The following EPHA6 variants were observed in gnomAD, a reference collection of about 807,000 sequenced individuals.
The protein encoded by EPHA6 is EPH receptor A6, also known as ephrin type-A receptor 6.
Under a neutral mutation model 112.0 loss-of-function variants are expected in EPHA6, and 50 were observed. That is an observed-to-expected ratio of 0.45 (90% confidence interval 0.36 to 0.56). The LOEUF is 0.56. Ranked by LOEUF, EPHA6 falls within the 20% of genes least tolerant of loss-of-function variation. The pLI, the probability that EPHA6 is intolerant of heterozygous loss-of-function variation, is 0.00. For missense variants in EPHA6, 1,280 were observed against 1,417.4 expected, an observed-to-expected ratio of 0.90 and a Z score of 1.56; for synonymous variants, 529 against 490.7, an observed-to-expected ratio of 1.08 and a Z score of -1.03.
In EPHA6 at chr3:97,581,321, T is replaced by C. The variant is rs552229364; in HGVS notation, c.2387-11291T>C. Among the ~76,000 whole-genome samples, 16 of 152,336 alleles carry C rather than the reference T, an allele frequency of 1.1e-4. 1 individual carries two copies. The highest frequency in any genetic ancestry group is 1.9e-4 in the Non-Finnish European group (13 of 68,030). ...TGATATTTTCACTATCTTGCATGAA[T>C]GTTGTCATTTTACTTTTAGAAGTTT... is the stretch of plus-strand genomic sequence containing the variant. On this transcript the variant is annotated intron_variant, in intron 11 of 17. Transcript: ENST00000389672.
At chr3:96,973,790 T>G (rs1402768679) in intron 2 of EPHA6, among the ~76,000 whole-genome samples, 1 of 141,876 alleles carries the variant, frequency 7.0e-6, no homozygotes, top group Non-Finnish European at 1.5e-5. Flanking sequence ...ATGCCACTGG[T>G]CTCCAGCCTG....
At chr3:96,861,978 G>T (rs2036033990) in intron 1 of EPHA6, among the ~76,000 whole-genome samples, 2 of 151,662 alleles carry the variant, frequency 1.3e-5, no homozygotes, top group South Asian at 4.2e-4. Flanking sequence ...TCCGTGTGAG[G>T]GTAGTTACCC....
At chr3:96,887,627 A>G (rs1393197785) in intron 2 of EPHA6, among the ~76,000 whole-genome samples, 1 of 152,088 alleles carries the variant, frequency 6.6e-6, no homozygotes, top group East Asian at 1.9e-4. Context: ...ATCAGGAGGA[A>G]CCAGGGTGGG....
intron 2 of EPHA6, among the ~76,000 whole-genome samples, chr3:96,983,905 A>C (rs1323841252): frequency 6.6e-6 from 1 of 152,188 alleles, no homozygotes; most frequent in Admixed American, 6.5e-5. Flanking sequence ...CCACTCCATC[A>C]GGTCATTCAA....
intron 5 of EPHA6, among the ~76,000 whole-genome samples, chr3:97,255,101 G>T (rs2079264944): frequency 6.6e-6 from 1 of 151,946 alleles, no homozygotes; most frequent in Non-Finnish European, 1.5e-5. Flanking sequence ...ACAAAGGAGT[G>T]ACAGTATATC....
At chr3:97,709,524 T>G (rs534270461) in intron 14 of EPHA6, among the ~76,000 whole-genome samples, 2 of 152,332 alleles carry the variant, frequency 1.3e-5, no homozygotes, top group South Asian at 4.1e-4. Flanking sequence ...AGATGAGACT[T>G]TGGATTTGGA....
At chr3:97,493,625 G>T (rs767328795) in intron 10 of EPHA6, among the ~76,000 whole-genome samples, 1 of 149,834 alleles carries the variant, frequency 6.7e-6, no homozygotes, top group Non-Finnish European at 1.5e-5. Context: ...TTAGTCCTCT[G>T]TGTGTGTGTG....
In EPHA6 at chr3:97,169,066, G is replaced by A. The variant is rs182902136; in HGVS notation, c.1115-57198G>A. On this transcript the variant is annotated intron_variant, in intron 3 of 17. Transcript: ENST00000389672. Reference sequence around the variant, plus strand: ...AGGATTATTATACTTCGCAACACTTGTGTGTCACATTGGAGACTGTCTTAT... The same window carrying A: ...AGGATTATTATACTTCGCAACACTTATGTGTCACATTGGAGACTGTCTTAT... 3.7e-3 allele frequency among the ~76,000 whole-genome samples: 558 copies of A among 152,268 alleles called. 3 individuals carry two copies. Among genetic ancestry groups the A allele is most frequent in the Non-Finnish European group, 5.6e-3 (379 of 68,020 alleles).
chr3:97,518,248 T>G (rs754717306), intron 10 of EPHA6, among the ~76,000 whole-genome samples: 1 of 152,150 alleles, frequency 6.6e-6, no homozygotes, highest in Non-Finnish European at 1.5e-5. Flanking sequence ...CTCATGAACA[T>G]TTGTTATCTT....
At position 97,754,096 on chromosome 3, in the gene EPHA6, TTTTTTTTTTGAGATGGAG is replaced by T. The variant is rs1374517596; in HGVS notation, c.*5399_*5416del. ...ATAACATTTATATCTTTTTTTTTTT[TTTTTTTTTTGAGATGGAG>T]TTTCCCTCTTGTTGCCCAGGCTGGA... On this transcript the variant is annotated 3_prime_UTR_variant, in exon 18 of 18. Transcript: ENST00000389672. 2.0e-5 allele frequency among the ~76,000 whole-genome samples: 3 copies of T among 147,878 alleles called. No individual in the cohort carries two copies. Among genetic ancestry groups the T allele is most frequent in the African/African-American group, 7.4e-5 (3 of 40,454 alleles).
At chr3:96,861,523 A>G (rs2036005621) in intron 1 of EPHA6, among the ~76,000 whole-genome samples, 2 of 152,048 alleles carry the variant, frequency 1.3e-5, no homozygotes, top group Non-Finnish European at 2.9e-5. Context: ...ACTCTCTAGC[A>G]GAGTAGAAAA....
chr3:97,737,729 G>A (rs922432166), intron 16 of EPHA6, among the ~76,000 whole-genome samples: 1 of 152,118 alleles, frequency 6.6e-6, no homozygotes, highest in South Asian at 2.1e-4. Context: ...GACTAGAGAT[G>A]TAGATTTGAA....
At chr3:97,278,256 A>G (rs541055151) in intron 5 of EPHA6, among the ~76,000 whole-genome samples, 1 of 152,294 alleles carries the variant, frequency 6.6e-6, no homozygotes, top group South Asian at 2.1e-4. Context: ...ATTCTAGTAA[A>G]TATTATAAGT....
intron 2 of EPHA6, among the ~76,000 whole-genome samples, chr3:96,888,400 C>T (rs774683997): frequency 3.3e-5 from 5 of 152,146 alleles, no homozygotes; most frequent in Non-Finnish European, 7.4e-5. Flanking sequence ...CTCCCTTTTC[C>T]ACTTCCACAG....
chr3:97,281,319 A>G (rs2080280688), intron 5 of EPHA6, among the ~76,000 whole-genome samples: 1 of 151,978 alleles, frequency 6.6e-6, no homozygotes, highest in Admixed American at 6.6e-5. Flanking sequence ...TTAATTTATA[A>G]CTTCTTTGGG....
intron 3 of EPHA6, among the ~76,000 whole-genome samples, chr3:97,147,528 G>A (rs562409061): frequency 2.0e-5 from 3 of 152,030 alleles, no homozygotes; most frequent in South Asian, 4.2e-4. Flanking sequence ...TGTTATAAAG[G>A]TGTTTAACTA....
intron 5 of EPHA6, among the ~76,000 whole-genome samples, chr3:97,345,466 A>G (rs1020397434): frequency 3.3e-5 from 5 of 152,142 alleles, no homozygotes; most frequent in Middle Eastern, 3.2e-3. Context: ...GACTCCATAA[A>G]AGCATGAAGG....
At chr3:97,282,529 A>T (rs2080321130) in intron 5 of EPHA6, among the ~76,000 whole-genome samples, 1 of 152,174 alleles carries the variant, frequency 6.6e-6, no homozygotes. Flanking sequence ...ATAAAGATAC[A>T]TGCATGCGTA....
intron 3 of EPHA6, among the ~76,000 whole-genome samples, chr3:97,001,917 A>G (rs2043680698): frequency 6.6e-6 from 1 of 152,088 alleles, no homozygotes; most frequent in African/African-American, 2.4e-5. Flanking sequence ...ATAAAAAGTG[A>G]TGAAAACCTC....
Sources: allele counts gnomAD v4.1 joint callset (sites outside exome capture counted in the v4.1 genomes callset), GRCh38; gene constraint gnomAD v4.1.1; transcripts MANE v1.5; gene names NCBI Gene and HGNC (gene_info 2026-07-23, HGNC 2026-07-21).